PTPRM: variants seen among roughly 807,000 people sequenced by gnomAD.
PTPRM encodes receptor-type tyrosine-protein phosphatase mu.
In PTPRM, 47 loss-of-function variants were observed where a neutral mutation model predicts 186.7. The observed-to-expected ratio is 0.25, with a 90% CI of 0.20 to 0.32. The LOEUF (loss-of-function observed/expected upper bound fraction) is 0.32, where lower values mean the gene tolerates loss of function less well. PTPRM is among the 10% of genes least tolerant of loss of function. The pLI is 1.00. For synonymous variants in PTPRM, 668 were observed against 674.9 expected (o/e 0.99, Z 0.16); for missense variants, 1,494 against 1,865.0 (o/e 0.80, Z 3.66).
chr18:7,672,716 ACT>A (rs2039246125), intron 1 of PTPRM, among the ~76,000 whole-genome samples: 1 of 152,104 alleles, frequency 6.6e-6, no homozygotes, highest in African/African-American at 2.4e-5. Flanking sequence ...TAGAGGGGCG[ACT>A]CTCTCTGTGC....
Position 7,948,471 on chromosome 18 carries a change from T to G in PTPRM, c.664-710T>G, listed in dbSNP as rs191683035. Reference sequence around the variant, plus strand: ...TTCCAAGTGTGCATAACTAAAAGGGTTACTTAATATATGGGGATAATAAAA... The same window carrying G: ...TTCCAAGTGTGCATAACTAAAAGGGGTACTTAATATATGGGGATAATAAAA... On this transcript the variant is annotated intron_variant, in intron 5 of 32. Transcript: ENST00000580170. Among the ~76,000 whole-genome samples the G allele has an allele frequency of 1.9e-3, 295 of 152,150 alleles. 1 individual carries two copies. Among genetic ancestry groups the G allele is most frequent in the South Asian group, 6.9e-3 (33 of 4,814 alleles).
intron 7 of PTPRM, among the ~76,000 whole-genome samples, chr18:7,956,614 A>T (rs2053329737): frequency 6.6e-6 from 1 of 152,226 alleles, no homozygotes; most frequent in Non-Finnish European, 1.5e-5. Context: ...ACCTTTGTGC[A>T]GGCAGTCTGG....
At chr18:8,319,469 T>C (rs1183158851) in intron 22 of PTPRM, among the ~76,000 whole-genome samples, 1 of 152,200 alleles carries the variant, frequency 6.6e-6, no homozygotes, top group East Asian at 1.9e-4. Context: ...TAGGAGTAAG[T>C]TGGACATTTG....
rs71354586 is a variant in PTPRM at position 8,017,582 on chromosome 18, CAAA to C, written c.1133-52082_1133-52080del. Among the ~76,000 whole-genome samples the C allele has an allele frequency of 1.8e-3, 115 of 64,708 alleles. 1 individual carries two copies. Among genetic ancestry groups the C allele is most frequent in the African/African-American group, 6.8e-3 (109 of 16,110 alleles). The allele number at this position is 64,708 out of a possible 152,430, so 42.5% of individuals were successfully genotyped here. On this transcript the variant is annotated intron_variant, in intron 7 of 32. Coordinates refer to ENST00000580170, the MANE Select transcript of PTPRM (RefSeq NM_001105244.2). ...TGGGCAACAGAGTAAGACTCCTTCT[CAAA>C]AAAAAAAAAAAAAAAAAAAAATTAG...
intron 14 of PTPRM, among the ~76,000 whole-genome samples, chr18:8,158,943 C>T (rs906223323): frequency 1.3e-5 from 2 of 152,162 alleles, no homozygotes; most frequent in Non-Finnish European, 2.9e-5. Context: ...ACCTCCCACC[C>T]AGCCCACCTC....
intron 14 of PTPRM, among the ~76,000 whole-genome samples, chr18:8,171,796 C>A (rs2146462717): frequency 6.6e-6 from 1 of 152,228 alleles, no homozygotes; most frequent in Middle Eastern, 3.4e-3. Context: ...GTAAGAAATG[C>A]AGTTATTGCA....
chr18:8,274,843 T>C (rs1452282017), intron 19 of PTPRM, among the ~76,000 whole-genome samples: 1 of 152,180 alleles, frequency 6.6e-6, no homozygotes, highest in Non-Finnish European at 1.5e-5. Flanking sequence ...GCATGCATAG[T>C]TAATCAAGGA....
intron 14 of PTPRM, among the ~76,000 whole-genome samples, chr18:8,168,149 A>G (rs2093349850): frequency 6.6e-6 from 1 of 152,192 alleles, no homozygotes; most frequent in African/African-American, 2.4e-5. Context: ...ATGTATTTCA[A>G]TATTATTTTA....
chr18:8,097,028 G>A (rs1008427492), intron 11 of PTPRM, among the ~76,000 whole-genome samples: 2 of 149,454 alleles, frequency 1.3e-5, no homozygotes, highest in African/African-American at 5.1e-5. Context: ...GGAGAGGAAT[G>A]AGGGCACAGA....
intron 7 of PTPRM, among the ~76,000 whole-genome samples, chr18:7,994,284 A>G (rs1178774365): frequency 6.6e-6 from 1 of 151,940 alleles, no homozygotes; most frequent in Non-Finnish European, 1.5e-5. Context: ...ACACACACAC[A>G]CACACACACA....
chr18:8,016,153 A>T (rs534141426), intron 7 of PTPRM, among the ~76,000 whole-genome samples: 30 of 152,174 alleles, frequency 2.0e-4, no homozygotes, highest in Non-Finnish European at 3.7e-4. Flanking sequence ...CTGCTGGCTG[A>T]TGGAAGAAAA....
At chr18:7,953,355 A>G (rs1599702651) in intron 6 of PTPRM, among the ~76,000 whole-genome samples, 1 of 152,248 alleles carries the variant, frequency 6.6e-6, no homozygotes, top group Middle Eastern at 3.4e-3. Flanking sequence ...CTGGCTACAT[A>G]AATGCCTTAG....
chr18:7,984,602 T>TATATATATACACAC (rs1214502563), intron 7 of PTPRM, among the ~76,000 whole-genome samples: 2 of 87,174 alleles, frequency 2.3e-5, no homozygotes, highest in African/African-American at 9.8e-5. Context: ...TATATATATA[T>TATATATATACACAC]ACACACACAC....
chr18:7,894,619 A>T (rs77735735), intron 3 of PTPRM, among the ~76,000 whole-genome samples: 2 of 151,270 alleles, frequency 1.3e-5, no homozygotes, highest in African/African-American at 4.9e-5. Context: ...ATTTTTTAAT[A>T]TTTTTTTTCC....
intron 2 of PTPRM, among the ~76,000 whole-genome samples, chr18:7,842,930 G>GTGTGTGTGTATATATATATATA (rs377182615): frequency 2.0e-5 from 2 of 100,934 alleles, no homozygotes; most frequent in African/African-American, 9.9e-5. Flanking sequence ...GTGTGTGTGT[G>GTGTGTGTGTATATATATATATA]TATATATATA....
intron 9 of PTPRM, among the ~76,000 whole-genome samples, chr18:8,078,543 G>GT (rs573480463): frequency 1.0e-3 from 156 of 152,300 alleles, no homozygotes; most frequent in African/African-American, 3.7e-3. Flanking sequence ...TGACACAGGT[G>GT]TTTCTTTAAG....
intron 11 of PTPRM, among the ~76,000 whole-genome samples, chr18:8,096,202 A>G (rs189696987): frequency 6.6e-6 from 1 of 152,328 alleles, no homozygotes; most frequent in African/African-American, 2.4e-5. Flanking sequence ...CCAGCAGCAC[A>G]CTTAGTGGGT....
At chr18:7,708,931 G>T (rs1254199946) in intron 1 of PTPRM, among the ~76,000 whole-genome samples, 2 of 152,090 alleles carry the variant, frequency 1.3e-5, no homozygotes, top group East Asian at 3.8e-4. Flanking sequence ...AATGTGTTCA[G>T]GTTTGCTCAC....
chr18:7,630,799 T>G (rs1817489352), intron 1 of PTPRM, among the ~76,000 whole-genome samples: 1 of 152,200 alleles, frequency 6.6e-6, no homozygotes, highest in African/African-American at 2.4e-5. Context: ...AAACTAAAGC[T>G]TTGTTTTTCT....
Sources: gnomAD v4.1 joint callset for allele counts (sites outside exome capture counted in the v4.1 genomes callset) on GRCh38, gnomAD v4.1.1 for gene constraint, MANE v1.5 for transcripts, NCBI Gene and HGNC (gene_info 2026-07-23, HGNC 2026-07-21) for gene names.